CSMD1: variants seen among roughly 807,000 people sequenced by gnomAD.
CSMD1 encodes CUB and Sushi multiple domains 1.
In CSMD1, 213 loss-of-function variants were observed where a neutral mutation model predicts 417.5. That is an observed-to-expected ratio of 0.51 (90% CI 0.46 to 0.57). The LOEUF (loss-of-function observed/expected upper bound fraction) is 0.57. Ranked by LOEUF, CSMD1 falls within the 20% of genes least tolerant of loss-of-function variation. CSMD1 has a pLI of 0.00. For synonymous variants in CSMD1, 2,862 were observed against 1,736.8 expected (o/e 1.65, Z -16.11); for missense variants, 6,923 against 4,529.7 (o/e 1.53, Z -15.17).
chr8:3,369,820 T>C (rs1403672217), intron 18 of CSMD1, among the ~76,000 whole-genome samples: 1 of 152,192 alleles, frequency 6.6e-6, no homozygotes, highest in South Asian at 2.1e-4. Context: ...GTGGCAACAA[T>C]TAGGATGTCT....
chr8:3,003,527 T>G (rs1807597178), intron 52 of CSMD1, among the ~76,000 whole-genome samples: 1 of 152,238 alleles, frequency 6.6e-6, no homozygotes, highest in South Asian at 2.1e-4. Context: ...AGTCATGTCC[T>G]TTACATTGTC....
In CSMD1 at chr8:3,223,788, C is replaced by T; in HGVS notation, c.4425G>A (p.Lys1475=). ...TCACTTTTACTCTCCAGTCACATTC[C>T]TTCCCAGGAGGATACGGCTGTGGGT... ...PNYPQPYPPG[K]ECDWRVKVNP... is the part of the protein sequence containing the mutation. Residue 1475 remains lysine, a synonymous_variant, in exon 28 of 70, where the codon AAG becomes AAA. Coordinates refer to ENST00000635120, the MANE Select transcript of CSMD1 (RefSeq NM_033225.6). 1 of 1,613,872 alleles carries T rather than the reference C, an allele frequency of 6.2e-7. No homozygotes were observed. Among genetic ancestry groups the T allele is most frequent in the South Asian group, 1.1e-5 (1 of 91,080 alleles).
chr8:4,530,314 C>CTT lies in CSMD1; in HGVS notation c.302+107026_302+107027dup, dbSNP rs759268228. 6.7e-3 allele frequency among the ~76,000 whole-genome samples: 311 copies of CTT among 46,626 alleles called. 39 individuals are homozygous for CTT. Among genetic ancestry groups the CTT allele is most frequent in the African/African-American group, 0.015 (179 of 11,722 alleles). The allele number at this position is 46,626 out of a possible 152,430, so 30.6% of individuals were successfully genotyped here. On this transcript the variant is annotated intron_variant, in intron 2 of 69. Coordinates refer to ENST00000635120, the MANE Select transcript of CSMD1 (RefSeq NM_033225.6). ...TTCACAGTTTATCGTACAGGTAGTGCTTTTTTTTTTTTTTTTTTTTTTTTT... is the reference window on the plus strand; with the variant it reads ...TTCACAGTTTATCGTACAGGTAGTGCTTTTTTTTTTTTTTTTTTTTTTTTTTT...
At chr8:3,384,049 G>C (rs958654414) in intron 18 of CSMD1, among the ~76,000 whole-genome samples, 9 of 152,078 alleles carry the variant, frequency 5.9e-5, no homozygotes, top group Non-Finnish European at 7.4e-5. Context: ...CTGGGAGGCA[G>C]TGACTGGGCG....
At chr8:3,415,718 A>G (rs1464591877) in intron 12 of CSMD1, among the ~76,000 whole-genome samples, 1 of 152,166 alleles carries the variant, frequency 6.6e-6, no homozygotes, top group Non-Finnish European at 1.5e-5. Flanking sequence ...TGAAGATTTT[A>G]TATATTCTGG....
At chr8:4,581,144 G>C (rs1202498121) in intron 2 of CSMD1, among the ~76,000 whole-genome samples, 5 of 152,106 alleles carry the variant, frequency 3.3e-5, no homozygotes, top group Non-Finnish European at 7.4e-5. Flanking sequence ...CTTTAGTCAA[G>C]GATACCATCT....
At chr8:4,109,224 C>G (rs1171702091) in intron 3 of CSMD1, among the ~76,000 whole-genome samples, 1 of 152,114 alleles carries the variant, frequency 6.6e-6, no homozygotes, top group Non-Finnish European at 1.5e-5. Flanking sequence ...TCGGTATAGA[C>G]ACAACCATCC....
intron 3 of CSMD1, among the ~76,000 whole-genome samples, chr8:4,386,965 C>G (rs751133453): frequency 1.2e-4 from 18 of 151,996 alleles, no homozygotes; most frequent in South Asian, 1.0e-3. Flanking sequence ...TAATATGTTA[C>G]GATTATCTAT....
intron 4 of CSMD1, among the ~76,000 whole-genome samples, chr8:4,019,957 T>C (rs1457816979): frequency 6.6e-6 from 1 of 151,744 alleles, no homozygotes; most frequent in East Asian, 1.9e-4. Flanking sequence ...GCTACCAATA[T>C]TGAGATCCTG....
intron 15 of CSMD1, among the ~76,000 whole-genome samples, chr8:3,401,949 CTTCT>C (rs1812063892): frequency 7.0e-6 from 1 of 142,952 alleles, no homozygotes; most frequent in Non-Finnish European, 1.6e-5. Flanking sequence ...AAAGCAATTT[CTTCT>C]TTGCTTTTTT....
intron 30 of CSMD1, among the ~76,000 whole-genome samples, chr8:3,211,111 C>T (rs1797581046): frequency 6.6e-6 from 1 of 152,138 alleles, no homozygotes; most frequent in African/African-American, 2.4e-5. Flanking sequence ...GTGATCCAGT[C>T]ACGGCTCACT....
At chr8:3,352,616 G>C (rs1053052343) in intron 21 of CSMD1, among the ~76,000 whole-genome samples, 2 of 152,292 alleles carry the variant, frequency 1.3e-5, no homozygotes, top group African/African-American at 2.4e-5. Context: ...GAGGCAGGCA[G>C]ATCACCTGAA....
chr8:4,315,368 G>C (rs992572395), intron 3 of CSMD1, among the ~76,000 whole-genome samples: 1 of 152,178 alleles, frequency 6.6e-6, no homozygotes, highest in African/African-American at 2.4e-5. Context: ...GCAGGTACCA[G>C]CCTGCCTCAT....
At chr8:3,379,205 T>C (rs1302703503) in intron 18 of CSMD1, among the ~76,000 whole-genome samples, 2 of 152,128 alleles carry the variant, frequency 1.3e-5, no homozygotes, top group African/African-American at 4.8e-5. Flanking sequence ...GTGAAGGATC[T>C]CTTCAAGGAG....
intron 1 of CSMD1, among the ~76,000 whole-genome samples, chr8:4,954,163 T>C (rs1349852885): frequency 1.3e-5 from 2 of 152,194 alleles, no homozygotes; most frequent in African/African-American, 2.4e-5. Context: ...ACCAACTATT[T>C]GCCATTTAGA....
rs1472561991 is a variant in CSMD1 at position 3,352,960 on chromosome 8, A to C, written c.3305-4799T>G. ...TATAACAAAACTAAGCCCATGTTACAGATGAGAAAACTGAGGCACAATGAC... is the reference window on the plus strand; with the variant it reads ...TATAACAAAACTAAGCCCATGTTACCGATGAGAAAACTGAGGCACAATGAC... On this transcript the variant is annotated intron_variant, in intron 21 of 69. Coordinates refer to ENST00000635120, the MANE Select transcript of CSMD1 (RefSeq NM_033225.6). Among the ~76,000 whole-genome samples the C allele has an allele frequency of 3.9e-5, 6 of 152,232 alleles. No homozygotes were observed. In the East Asian group the frequency reaches 1.2e-3, roughly 29 times the overall value.
chr8:3,442,034 A>C (rs1348232177), intron 12 of CSMD1, among the ~76,000 whole-genome samples: 1 of 152,026 alleles, frequency 6.6e-6, no homozygotes, highest in Non-Finnish European at 1.5e-5. Context: ...TTTGTGTATT[A>C]GTTTTAAACA....
intron 3 of CSMD1, among the ~76,000 whole-genome samples, chr8:4,368,525 G>T (rs1802221950): frequency 6.6e-6 from 1 of 152,058 alleles, no homozygotes; most frequent in Non-Finnish European, 1.5e-5. Flanking sequence ...TCAAATTTTT[G>T]GGAATCATTT....
intron 23 of CSMD1, among the ~76,000 whole-genome samples, chr8:3,324,946 C>T (rs974865058): frequency 2.0e-5 from 3 of 151,530 alleles, no homozygotes; most frequent in African/African-American, 7.3e-5. Context: ...ATTTTCATAT[C>T]AGTGTTTTCT....
Sources: allele counts gnomAD v4.1 joint callset (sites outside exome capture counted in the v4.1 genomes callset), GRCh38; gene constraint gnomAD v4.1.1; transcripts MANE v1.5; gene names NCBI Gene and HGNC (gene_info 2026-07-23, HGNC 2026-07-21).